Variants in IGF2R observed in about 807,000 individuals in gnomAD.
IGF2R encodes cation-independent mannose-6-phosphate receptor.
A neutral mutation model predicts 270.6 loss-of-function variants in IGF2R; 91 were observed. The observed-to-expected ratio is 0.34, with a 90% CI of 0.28 to 0.40. The LOEUF (loss-of-function observed/expected upper bound fraction) is 0.40. Among genes scored for constraint, IGF2R ranks in the 10% least tolerant of loss-of-function variants. The probability of loss-of-function intolerance (pLI) is 1.00; values close to 1 mark genes in which losing one functional copy is unlikely to be tolerated. For missense variants in IGF2R, 2,805 were observed against 3,188.3 expected (o/e 0.88, Z 2.90); for synonymous variants, 1,316 against 1,258.9 (o/e 1.05, Z -0.96).
intron 39 of IGF2R, among the ~76,000 whole-genome samples, chr6:160,083,339 G>T (rs1337671687): frequency 6.6e-6 from 1 of 152,196 alleles, no homozygotes; most frequent in Non-Finnish European, 1.5e-5. Flanking sequence ...CCACAGGGCA[G>T]CTTTTCTCCT....
At chr6:160,055,277 G>A (rs1355792895) in intron 19 of IGF2R, among the ~76,000 whole-genome samples, 1 of 152,182 alleles carries the variant, frequency 6.6e-6, no homozygotes, top group Non-Finnish European at 1.5e-5. Context: ...TCCTTCTCTG[G>A]TTTCTTGTTG....
At chr6:160,085,607 C>G (rs1189752502) in intron 41 of IGF2R, among the ~76,000 whole-genome samples, 1 of 152,108 alleles carries the variant, frequency 6.6e-6, no homozygotes. Context: ...AAGTTGTTTT[C>G]TTTCATTATT....
Position 160,080,163 on chromosome 6 carries a change from C to T in IGF2R, c.5721C>T (p.Phe1907=). The T allele has an allele frequency of 6.2e-7, 1 of 1,614,072 alleles. No individual in the cohort carries two copies. Residue 1907 remains phenylalanine (F), a synonymous_variant, in exon 39 of 48, where the codon TTC becomes TTT. Transcript: ENST00000356956. Reference sequence around the variant, plus strand: ...ACGGCGTCCCCTGTGTCTTCCCCTTCATATTCAATGGGAAGAGCTACGAGG... The same window carrying T: ...ACGGCGTCCCCTGTGTCTTCCCCTTTATATTCAATGGGAAGAGCTACGAGG... ...TDDGVPCVFP[F]IFNGKSYEEC...
In IGF2R at chr6:160,046,497, G is replaced by A; in HGVS notation, c.1904-1G>A. 2 of 1,605,060 alleles carry A rather than the reference G, an allele frequency of 1.2e-6. No individual in the cohort carries two copies. Among genetic ancestry groups the A allele is most frequent in the Non-Finnish European group, 1.7e-6 (2 of 1,177,882 alleles). ...CTTTTATTGTTTTTATTCTTTCTTA[G>A]GGTTTTCTTTTGACTTATCACCTCT... On this transcript the variant is annotated splice_acceptor_variant, in intron 14 of 47. Coordinates refer to ENST00000356956, the MANE Select transcript of IGF2R (RefSeq NM_000876.4). LOFTEE classifies it high-confidence loss of function.
intron 1 of IGF2R, among the ~76,000 whole-genome samples, chr6:159,986,753 T>TC (rs1040513006): frequency 4.8e-5 from 7 of 147,308 alleles, no homozygotes; most frequent in Non-Finnish European, 1.1e-4. Flanking sequence ...TTTTTTTTTT[T>TC]CTGTTGGCTT....
rs1166458088 is a variant in IGF2R at position 160,043,354 on chromosome 6, A to T, written c.1621+66A>T. 7 of 1,518,352 alleles carry T rather than the reference A, an allele frequency of 4.6e-6. No homozygotes were observed. In the African/African-American group the frequency reaches 9.7e-5, roughly 21 times the overall value. The allele number at this position is 1,518,352 out of a possible 1,614,324, so 94.1% of individuals were successfully genotyped here. A position where few individuals can be genotyped will look rare whatever the true frequency, so the allele number is the denominator to read the frequency against. On this transcript the variant is annotated intron_variant, in intron 12 of 47. Transcript: ENST00000356956. ...TAGGGCATCCAGTTTGGAATGAGTT[A>T]GAAGATCTTTCTGTGGTTCATCTAA... is the stretch of plus-strand genomic sequence containing the variant.
At chr6:160,039,169 G>A (rs1478195276) in intron 10 of IGF2R, among the ~76,000 whole-genome samples, 1 of 152,182 alleles carries the variant, frequency 6.6e-6, no homozygotes, top group African/African-American at 2.4e-5. Flanking sequence ...AGATGGTATA[G>A]CCTGCTGCAC....
intron 4 of IGF2R, among the ~76,000 whole-genome samples, chr6:160,023,134 T>C (rs886427351): frequency 3.7e-4 from 56 of 152,218 alleles, no homozygotes; most frequent in African/African-American, 1.2e-3. Flanking sequence ...GAAGCTGGAA[T>C]TGGGGGGCCA....
chr6:160,020,016 T>C (rs1777396915), intron 4 of IGF2R, among the ~76,000 whole-genome samples: 2 of 152,174 alleles, frequency 1.3e-5, no homozygotes, highest in African/African-American at 4.8e-5. Context: ...ACAGTCAACG[T>C]GTCTCTGTGT....
rs8191840 is a variant in IGF2R at position 160,060,695 on chromosome 6, T to C, written c.3240T>C (p.Ser1080=). 294 of 1,614,240 alleles carry C rather than the reference T, an allele frequency of 1.8e-4. 1 individual carries two copies. The Middle Eastern group carries it at 3.1e-3, about 17-fold the overall frequency. ...EFETALACVP[S]PVDCQVTDLA... ...AAACCGCGTTGGCCTGTGTTCCTTC[T>C]CCAGTGGACTGCCAAGTCACCGGTA... Residue 1080 remains serine, a synonymous_variant, in exon 23 of 48, where the codon TCT becomes TCC. Transcript: ENST00000356956.
rs555928822 is a variant in IGF2R at position 160,101,052 on chromosome 6, A to G, written c.6843-1467A>G. Among the ~76,000 whole-genome samples the G allele has an allele frequency of 5.3e-5, 8 of 150,634 alleles. No individual in the cohort carries two copies. The South Asian group carries it at 1.7e-3, about 31-fold the overall frequency. ...GGTGATCCACCTGCCTCAGCCTCCT[A>G]GAGTGCTGGGATTACAGGCATGAGC... On this transcript the variant is annotated intron_variant, in intron 45 of 47. Coordinates refer to ENST00000356956, the MANE Select transcript of IGF2R (RefSeq NM_000876.4).
At chr6:160,008,394 C>T (rs189188396) in intron 2 of IGF2R, among the ~76,000 whole-genome samples, 1 of 152,214 alleles carries the variant, frequency 6.6e-6, no homozygotes, top group East Asian at 1.9e-4. Flanking sequence ...GTCGATTGGT[C>T]TCTATTCTAG....
intron 1 of IGF2R, among the ~76,000 whole-genome samples, chr6:159,979,773 GA>G (rs1434627205): frequency 6.6e-6 from 1 of 152,200 alleles, no homozygotes; most frequent in Non-Finnish European, 1.5e-5. Flanking sequence ...GAGCCATTGG[GA>G]GAATGGAGGG....
rs919056332 is a variant in IGF2R, at chr6:160,010,621, A to G, written c.415-66A>G. ...TTTTAGTAGCCTTTACTGCATTCTC[A>G]TTTTAAAGAAGAATCTTTACAATGT... On this transcript the variant is annotated intron_variant, in intron 3 of 47. Transcript: ENST00000356956. 5.8e-6 allele frequency: 6 copies of G among 1,039,820 alleles called. No individual in the cohort carries two copies. The African/African-American group carries it at 9.6e-5, about 17-fold the overall frequency. The allele number at this position is 1,039,820 out of a possible 1,614,324, so 64.4% of individuals were successfully genotyped here.
At chr6:159,987,227 T>G (rs943538519) in intron 1 of IGF2R, among the ~76,000 whole-genome samples, 2 of 152,234 alleles carry the variant, frequency 1.3e-5, no homozygotes, top group African/African-American at 4.8e-5. Context: ...TATGAAATAG[T>G]CTTTAAAAAA....
intron 4 of IGF2R, among the ~76,000 whole-genome samples, chr6:160,020,485 C>G (rs1426065966): frequency 6.6e-6 from 1 of 152,064 alleles, no homozygotes; most frequent in Non-Finnish European, 1.5e-5. Flanking sequence ...TCTTAATAGC[C>G]AAACCAATCT....
At chr6:160,064,653 A>G (rs893611738) in intron 28 of IGF2R, 122 bp downstream of exon 28, 1 of 1,216,740 alleles carries the variant, frequency 8.2e-7, no homozygotes, top group Non-Finnish European at 1.2e-6. Context: ...GTTTAAAATA[A>G]CCATTTACAG....
At chr6:159,990,853 C>A (rs771907068) in intron 1 of IGF2R, among the ~76,000 whole-genome samples, 1 of 152,154 alleles carries the variant, frequency 6.6e-6, no homozygotes, top group Admixed American at 6.5e-5. Flanking sequence ...TGGTCTTGAA[C>A]GCCTGACCTC....
At chr6:160,019,385 A>G (rs917386396) in intron 4 of IGF2R, among the ~76,000 whole-genome samples, 5 of 152,340 alleles carry the variant, frequency 3.3e-5, no homozygotes, top group African/African-American at 7.2e-5. Flanking sequence ...GAATTCTCCC[A>G]GAGGCACAGG....
Sources: gnomAD v4.1 joint callset for allele counts (sites outside exome capture counted in the v4.1 genomes callset) on GRCh38, gnomAD v4.1.1 for gene constraint, MANE v1.5 for transcripts, NCBI Gene and HGNC (gene_info 2026-07-23, HGNC 2026-07-21) for gene names.